The following CTNND2 variants were observed in gnomAD, a reference collection of about 807,000 sequenced individuals.
CTNND2 encodes the protein catenin delta-2.
CTNND2 carries 22 observed loss-of-function variants against 144.4 expected under a neutral mutation model. That is an observed-to-expected ratio of 0.15 (90% CI 0.11 to 0.22). The LOEUF is 0.22. Among genes scored for constraint, CTNND2 ranks in the 10% least tolerant of loss-of-function variants. The probability of loss-of-function intolerance (pLI) is 1.00; values close to 1 mark genes in which losing one functional copy is unlikely to be tolerated. For missense variants in CTNND2, 1,353 were observed against 1,618.8 expected (o/e 0.84, Z 2.82); for synonymous variants, 751 against 695.6 (o/e 1.08, Z -1.25).
chr5:10,978,450 C>T (rs1736778422), intron 21 of CTNND2, among the ~76,000 whole-genome samples: 1 of 152,174 alleles, frequency 6.6e-6, no homozygotes. Context: ...TCCTTCCTCT[C>T]CAAGTTCAAT....
intron 1 of CTNND2, among the ~76,000 whole-genome samples, chr5:11,786,272 A>C (rs28602675): frequency 0.096 from 14,541 of 152,184 alleles, 1,891 homozygotes; most frequent in African/African-American, 0.29. Flanking sequence ...AGTAAAGTGT[A>C]AGACTGCCCT....
intron 16 of CTNND2, among the ~76,000 whole-genome samples, chr5:11,053,870 C>T (rs1324486152): frequency 6.6e-6 from 1 of 152,138 alleles, no homozygotes; most frequent in African/African-American, 2.4e-5. Flanking sequence ...CCATTATTTA[C>T]CAGTGGGCTT....
intron 5 of CTNND2, among the ~76,000 whole-genome samples, chr5:11,403,880 G>T (rs892864821): frequency 2.0e-5 from 3 of 152,168 alleles, no homozygotes; most frequent in Admixed American, 2.0e-4. Flanking sequence ...GCCCCCCGTT[G>T]ATCTGCATGG....
intron 10 of CTNND2, among the ~76,000 whole-genome samples, chr5:11,207,540 C>T (rs1738176731): frequency 6.6e-6 from 1 of 152,058 alleles, no homozygotes; most frequent in Non-Finnish European, 1.5e-5. Context: ...AGGGCTGACA[C>T]ATTCTTTCTC....
chr5:11,233,749 T>G (rs992828651), intron 10 of CTNND2, among the ~76,000 whole-genome samples: 27 of 150,346 alleles, frequency 1.8e-4, no homozygotes, highest in Non-Finnish European at 3.9e-4. Flanking sequence ...TGTGTGTGTA[T>G]GTGTATATGC....
intron 3 of CTNND2, among the ~76,000 whole-genome samples, chr5:11,490,212 T>G (rs909489045): frequency 2.0e-5 from 3 of 152,212 alleles, no homozygotes; most frequent in African/African-American, 7.2e-5. Context: ...ATGAAAATAA[T>G]GATGCACATA....
chr5:11,874,134 A>G (rs1363626381), intron 1 of CTNND2, among the ~76,000 whole-genome samples: 1 of 152,234 alleles, frequency 6.6e-6, no homozygotes, highest in Non-Finnish European at 1.5e-5. Context: ...GTCCCATCCT[A>G]GTTTTAAGTT....
At position 11,159,710 on chromosome 5, in the gene CTNND2, G is replaced by T. The variant is rs976338444; in HGVS notation, c.2025C>A (p.Ile675=). 6.2e-7 allele frequency: 1 copy of T among 1,609,370 alleles called. No homozygotes were observed. The highest frequency in any genetic ancestry group is 8.5e-7 in the Non-Finnish European group (1 of 1,177,942). Reference sequence around the variant, plus strand: ...TGGTCAGTACTGCTAGGGCATCCTGGATGATTGGCATTTTGAGTGCATCGC... The same window carrying T: ...TGGTCAGTACTGCTAGGGCATCCTGTATGATTGGCATTTTGAGTGCATCGC... ...SSCDALKMPI[I]QDALAVLTNA... The change falls in exon 12 of 22, where the codon ATC becomes ATA. Residue 675 remains isoleucine (I), a synonymous_variant. Transcript: ENST00000304623.
chr5:11,732,423 CAGTAA>C (rs1254481299), intron 1 of CTNND2, 151 bp from the exon 2 acceptor site: 11 of 638,450 alleles, frequency 1.7e-5, no homozygotes, highest in African/African-American at 3.7e-5. Flanking sequence ...GGGAGTAATA[CAGTAA>C]AGTAAAGTAA....
intron 20 of CTNND2, 144 bp downstream of exon 20, chr5:10,987,967 C>T: frequency 1.0e-6 from 1 of 1,003,918 alleles, no homozygotes; most frequent in Non-Finnish European, 1.5e-6. Flanking sequence ...TCATCATTAT[C>T]AAGCTCTCAA....
At chr5:11,641,138 T>C (rs1189513593) in intron 2 of CTNND2, among the ~76,000 whole-genome samples, 2 of 152,078 alleles carry the variant, frequency 1.3e-5, no homozygotes, top group African/African-American at 4.8e-5. Flanking sequence ...AGGTGAGCTC[T>C]CCTCACTTTT....
intron 9 of CTNND2, among the ~76,000 whole-genome samples, chr5:11,292,573 G>GA (rs1748461846): frequency 6.6e-6 from 1 of 152,142 alleles, no homozygotes; most frequent in Admixed American, 6.5e-5. Flanking sequence ...ATAAGTGTTT[G>GA]ACAGTTCCTC....
intron 9 of CTNND2, among the ~76,000 whole-genome samples, chr5:11,325,781 T>C (rs1730821157): frequency 1.3e-5 from 2 of 152,064 alleles, no homozygotes; most frequent in Admixed American, 1.3e-4. Flanking sequence ...ACTCCACCAC[T>C]CTATCAACCA....
At chr5:11,265,312 C>A (rs1467176029) in intron 9 of CTNND2, among the ~76,000 whole-genome samples, 1 of 152,160 alleles carries the variant, frequency 6.6e-6, no homozygotes, top group African/African-American at 2.4e-5. Context: ...CTTAGGGAAT[C>A]AGTGAAAGCT....
In CTNND2 at chr5:11,391,763, T is replaced by C. The variant is rs149167877; in HGVS notation, c.612+5268A>G. The stretch of plus-strand genomic sequence containing the variant: ...AACATAAAAGAAGAGATAGCTTCTA[T>C]GCACATTTTATACACCTTCCCTGAA... On this transcript the variant is annotated intron_variant, in intron 6 of 21. Transcript: ENST00000304623. Among the ~76,000 whole-genome samples, 257 of 152,336 alleles carry C rather than the reference T, an allele frequency of 1.7e-3. 1 individual carries two copies. Among genetic ancestry groups the C allele is most frequent in the African/African-American group, 5.7e-3 (235 of 41,588 alleles).
chr5:11,438,160 A>G (rs16901643), intron 3 of CTNND2, among the ~76,000 whole-genome samples: 4,419 of 152,320 alleles, frequency 0.029, 181 homozygotes, highest in African/African-American at 0.088. Context: ...AACTAGGCGA[A>G]GAGGATCGTC....
intron 11 of CTNND2, among the ~76,000 whole-genome samples, chr5:11,189,030 C>T (rs1580535056): frequency 2.6e-5 from 4 of 152,284 alleles, no homozygotes; most frequent in Middle Eastern, 3.4e-3. Context: ...ACGACACAAG[C>T]GTTAGGAGGG....
intron 3 of CTNND2, among the ~76,000 whole-genome samples, chr5:11,476,162 C>CA (rs1268872675): frequency 2.0e-5 from 3 of 151,904 alleles, no homozygotes; most frequent in African/African-American, 7.3e-5. Context: ...TGAACCACTG[C>CA]ACCCAGCCGG....
At chr5:11,017,592 A>G (rs1741758359) in intron 18 of CTNND2, among the ~76,000 whole-genome samples, 2 of 46,704 alleles carry the variant, frequency 4.3e-5, no homozygotes, top group Non-Finnish European at 6.2e-5. Context: ...CCATATATAT[A>G]TATATCTTTC....
Sources: gnomAD v4.1 joint callset for allele counts (sites outside exome capture counted in the v4.1 genomes callset) on GRCh38, gnomAD v4.1.1 for gene constraint, MANE v1.5 for transcripts, NCBI Gene and HGNC (gene_info 2026-07-23, HGNC 2026-07-21) for gene names.